The following TM2D3 variants were observed in gnomAD, a reference collection of about 807,000 sequenced individuals.
TM2D3 encodes the protein TM2 domain-containing protein 3.
Under a neutral mutation model 27.3 loss-of-function variants are expected in TM2D3, and 33 were observed. The ratio of observed to expected loss-of-function variants is 1.21; its 90% CI spans 0.92 to 1.61. The LOEUF (loss-of-function observed/expected upper bound fraction) is 1.61. TM2D3 is among the 40% of genes most tolerant of loss of function. The probability of loss-of-function intolerance (pLI) is 0.00; values close to 1 mark genes in which losing one functional copy is unlikely to be tolerated. For synonymous variants in TM2D3, 138 were observed against 122.2 expected (o/e 1.13, Z -0.85); for missense variants, 364 against 320.8 (o/e 1.13, Z -1.03).
rs750021297 is a variant in TM2D3 at position 101,642,467 on chromosome 15, C to T, written c.*12G>A. 8 of 1,596,322 alleles carry T rather than the reference C, an allele frequency of 5.0e-6. No homozygotes were observed. The highest frequency in any genetic ancestry group is 2.3e-5 in the East Asian group (1 of 44,088). On this transcript the variant is annotated 3_prime_UTR_variant, in exon 6 of 6. Transcript: ENST00000333202. ...TTCTAAGCCCTGCTCCTTTCTGAAG[C>T]ACACACCACAGCTAAATGTACAAAG... is the stretch of plus-strand genomic sequence containing the variant.
intron 3 of TM2D3, among the ~76,000 whole-genome samples, chr15:101,647,393 G>A (rs779144917): frequency 1.3e-5 from 2 of 152,122 alleles, no homozygotes; most frequent in Non-Finnish European, 2.9e-5. Flanking sequence ...TTAACACACC[G>A]CCTTGCTTCC....
chr15:101,645,259 G>A, intron 4 of TM2D3, 97 bp from the exon 5 acceptor site: 1 of 1,025,372 alleles, frequency 9.8e-7, no homozygotes, highest in South Asian at 1.5e-5. Context: ...AATGTGAAAA[G>A]TCAACTCTCT....
exon 5 of TM2D3, chr15:101,633,655 A>G: frequency 1.3e-6 from 2 of 1,531,016 alleles, no homozygotes; most frequent in African/African-American, 1.4e-5. Context: ...CTCCTCAAAA[A>G]TCCACCTTTT....
Position 101,645,096 on chromosome 15 carries a change from A to G in TM2D3, c.569T>C (p.Leu190Pro), listed in dbSNP as rs2141364130. ...GAGTAACAAGGCTTACCTTAGAGCC[A>G]GAGCCGTAGACCACTTATAGCCTCC... is the stretch of plus-strand genomic sequence containing the variant. ...WTGGYKWSTA[L>P]ALSITLGGFG... The change falls in exon 5 of 6, where the codon CTG (leucine) becomes CCG (proline). Residue 190 changes from leucine to proline, a missense_variant. By Grantham distance (98) the Leu-to-Pro change is moderately conservative. Coordinates refer to ENST00000333202, the MANE Select transcript of TM2D3 (RefSeq NM_078474.3). 3 of 1,613,894 alleles carry G rather than the reference A, an allele frequency of 1.9e-6. No homozygotes were observed. The highest frequency in any genetic ancestry group is 2.5e-6 in the Non-Finnish European group (3 of 1,179,888).
At chr15:101,649,041 T>C (rs1487319768) in intron 3 of TM2D3, among the ~76,000 whole-genome samples, 1 of 151,562 alleles carries the variant, frequency 6.6e-6, no homozygotes, top group Non-Finnish European at 1.5e-5. Context: ...TTAATCAAAT[T>C]AAAAAAAAAT....
chr15:101,640,432 TAAGA>T (rs1273142682), downstream of TM2D3, among the ~76,000 whole-genome samples: 2 of 152,208 alleles, frequency 1.3e-5, no homozygotes, highest in African/African-American at 4.8e-5. Context: ...CCAGAACTCT[TAAGA>T]AATAAATTTC....
chr15:101,640,480 T>A (rs1021139240), downstream of TM2D3, among the ~76,000 whole-genome samples: 8 of 152,212 alleles, frequency 5.3e-5, no homozygotes, highest in African/African-American at 1.9e-4. Flanking sequence ...GGTATTGTTA[T>A]AGCAATCCTG....
chr15:101,643,429 T>C (rs1024561027), intron 5 of TM2D3, among the ~76,000 whole-genome samples: 2 of 151,684 alleles, frequency 1.3e-5, no homozygotes, highest in East Asian at 3.9e-4. Context: ...GGTGAAACCC[T>C]GTCTCTATTA....
chr15:101,637,621 G>A (rs1457664991), downstream of TM2D3, among the ~76,000 whole-genome samples: 3 of 152,060 alleles, frequency 2.0e-5, no homozygotes, highest in Non-Finnish European at 4.4e-5. Flanking sequence ...TGGGCAAGAG[G>A]GAAAAAAGGT....
In TM2D3 at chr15:101,650,128, C is replaced by T; in HGVS notation, c.203G>A (p.Cys68Tyr). 6.2e-7 allele frequency: 1 copy of T among 1,614,010 alleles called. No individual in the cohort carries two copies. Among genetic ancestry groups the T allele is most frequent in the Non-Finnish European group, 8.5e-7 (1 of 1,179,954 alleles). The change falls in exon 3 of 6, where the codon TGT becomes TAT. Residue 68 changes from cysteine (C) to tyrosine (Y), a missense_variant. Cys to Tyr is a radical substitution (Grantham distance 194). Transcript: ENST00000333202. Reference protein sequence around the residue: ...STEIPPYVMKCPSNGLCSRLP... With the variant: ...STEIPPYVMKYPSNGLCSRLP... Reference sequence around the variant, plus strand: ...CCTGCTACACAAACCATTGCTCGGACACTTCATCACATAAGGTGGGATTTC... The same window carrying T: ...CCTGCTACACAAACCATTGCTCGGATACTTCATCACATAAGGTGGGATTTC...
chr15:101,642,435 G>A lies in TM2D3; in HGVS notation c.*44C>T, dbSNP rs929282182. The A allele has an allele frequency of 2.0e-6, 3 of 1,534,264 alleles. No individual in the cohort carries two copies. The African/African-American group carries it at 4.2e-5, about 21-fold the overall frequency. On this transcript the variant is annotated 3_prime_UTR_variant, in exon 6 of 6. Transcript: ENST00000333202. ...ACCACATCAACTCCTACGGACAAAA[G>A]GGCTTTTTCTAAGCCCTGCTCCTTT... is the stretch of plus-strand genomic sequence containing the variant.
At chr15:101,647,882 T>C (rs538013184) in intron 3 of TM2D3, among the ~76,000 whole-genome samples, 1 of 152,230 alleles carries the variant, frequency 6.6e-6, no homozygotes, top group Non-Finnish European at 1.5e-5. Flanking sequence ...TACATATATA[T>C]ACACATACAC....
intron 4 of TM2D3, chr15:101,634,299 T>TAGC (rs1473878634): frequency 6.6e-6 from 1 of 152,298 alleles, no homozygotes; most frequent in Non-Finnish European, 1.5e-5. Flanking sequence ...CCAGGTGTGG[T>TAGC]GGTGCATGCC....
downstream of TM2D3, among the ~76,000 whole-genome samples, chr15:101,637,868 A>G (rs1396864511): frequency 6.6e-6 from 1 of 152,166 alleles, no homozygotes; most frequent in Non-Finnish European, 1.5e-5. Flanking sequence ...ACAACTTCAT[A>G]ATATGTGAAC....
chr15:101,648,770 A>G (rs529342545), intron 3 of TM2D3, among the ~76,000 whole-genome samples: 2 of 152,270 alleles, frequency 1.3e-5, no homozygotes, highest in East Asian at 3.8e-4. Context: ...TGTACCATAA[A>G]TTAAGCAGTT....
intron 3 of TM2D3, among the ~76,000 whole-genome samples, chr15:101,649,277 T>C (rs533334465): frequency 2.0e-5 from 3 of 152,322 alleles, no homozygotes; most frequent in East Asian, 3.9e-4. Context: ...CGCTTTTTCC[T>C]AGTTTGCCAT....
Position 101,649,868 on chromosome 15 carries a change from T to C in TM2D3, c.327+136A>G, listed in dbSNP as rs1596268258. 3.6e-6 allele frequency: 3 copies of C among 822,538 alleles called. 1 individual carries two copies. Among genetic ancestry groups the C allele is most frequent in the South Asian group, 3.5e-5 (2 of 57,048 alleles). The allele number at this position is 822,538 out of a possible 1,614,324, so 51.0% of individuals were successfully genotyped here. On this transcript the variant is annotated intron_variant, in intron 3 of 5. Transcript: ENST00000333202. ...ATTGGGTTTTTTAATTTATTTCTGC[T>C]TACATACTCAAAAGGGAAATCATAA...
downstream of TM2D3, chr15:101,637,019 T>C (rs897984752): frequency 3.6e-6 from 1 of 275,640 alleles, no homozygotes; most frequent in African/African-American, 2.3e-5. Context: ...GTGCCCGGTG[T>C]GGTCCGGCTA....
At chr15:101,635,077 T>G (rs1896524902) in intron 4 of TM2D3, 1 of 152,202 alleles carries the variant, frequency 6.6e-6, no homozygotes, top group South Asian at 2.1e-4. Context: ...GGAGAATCTC[T>G]TGAGCCTGGG....
Sources: gnomAD v4.1 joint callset for allele counts (sites outside exome capture counted in the v4.1 genomes callset) on GRCh38, gnomAD v4.1.1 for gene constraint, MANE v1.5 for transcripts, NCBI Gene and HGNC (gene_info 2026-07-23, HGNC 2026-07-21) for gene names.